SMOC1: variants seen among roughly 807,000 people sequenced by gnomAD.
SMOC1 encodes SPARC-related modular calcium-binding protein 1.
In SMOC1, 22 loss-of-function variants were observed where a neutral mutation model predicts 56.3. The ratio of observed to expected loss-of-function variants is 0.39; its 90% confidence interval spans 0.28 to 0.56. The LOEUF (loss-of-function observed/expected upper bound fraction) is 0.56, where lower values mean the gene tolerates loss of function less well. Ranked by LOEUF, SMOC1 falls within the 20% of genes least tolerant of loss-of-function variation. The pLI, the probability that SMOC1 is intolerant of heterozygous loss-of-function variation, is 0.61. For missense variants in SMOC1, 509 were observed against 565.4 expected, an observed-to-expected ratio of 0.90 and a Z score of 1.01; for synonymous variants, 193 against 215.0, an observed-to-expected ratio of 0.90 and a Z score of 0.89.
At chr14:69,966,241 G>T (rs774618207) in intron 3 of SMOC1, among the ~76,000 whole-genome samples, 24 of 152,084 alleles carry the variant, frequency 1.6e-4, no homozygotes, top group Non-Finnish European at 3.2e-4. Flanking sequence ...TATCATATTT[G>T]CTGTTTACAA....
chr14:69,989,432 T>G (rs558916070), intron 5 of SMOC1, among the ~76,000 whole-genome samples: 12 of 152,354 alleles, frequency 7.9e-5, no homozygotes, highest in Admixed American at 7.8e-4. Context: ...TTAAAAACTT[T>G]GATAGGATTT....
chr14:69,909,803 C>T (rs1884508252), intron 1 of SMOC1, among the ~76,000 whole-genome samples: 1 of 152,142 alleles, frequency 6.6e-6, no homozygotes, highest in Non-Finnish European at 1.5e-5. Flanking sequence ...ATTTGTTTAT[C>T]ATTGATTCTT....
chr14:69,909,317 T>A (rs1884494982), intron 1 of SMOC1, among the ~76,000 whole-genome samples: 1 of 152,240 alleles, frequency 6.6e-6, no homozygotes, highest in Non-Finnish European at 1.5e-5. Context: ...AAATATCGCC[T>A]TATGATCTGA....
At chr14:69,981,877 A>G (rs1421831433) in intron 5 of SMOC1, among the ~76,000 whole-genome samples, 1 of 152,146 alleles carries the variant, frequency 6.6e-6, no homozygotes, top group Non-Finnish European at 1.5e-5. Context: ...TTCCAGGATA[A>G]CTGAACACAG....
intron 1 of SMOC1, among the ~76,000 whole-genome samples, chr14:69,939,529 A>G (rs1882470495): frequency 1.3e-5 from 2 of 152,172 alleles, no homozygotes; most frequent in Admixed American, 6.5e-5. Flanking sequence ...TTCCAGTGTC[A>G]TCTTTATGGA....
At chr14:69,971,229 G>C (rs1405178821) in intron 3 of SMOC1, among the ~76,000 whole-genome samples, 1 of 152,128 alleles carries the variant, frequency 6.6e-6, no homozygotes, top group African/African-American at 2.4e-5. Context: ...TGTTGGCCAG[G>C]CTGGTCTCGA....
chr14:70,026,129 G>A (rs1005543), intron 11 of SMOC1, among the ~76,000 whole-genome samples: 56,479 of 152,094 alleles, frequency 0.37, 11,006 homozygotes, highest in Admixed American at 0.43. Flanking sequence ...TGAATGGATG[G>A]GGGGGTTGCC....
chr14:69,895,576 G>T (rs781138157), intron 1 of SMOC1, among the ~76,000 whole-genome samples: 9 of 152,168 alleles, frequency 5.9e-5, no homozygotes, highest in Non-Finnish European at 1.0e-4. Flanking sequence ...GTCTGAAAGT[G>T]ACCAGGGTCC....
At chr14:69,924,316 T>G (rs1027502190) in intron 1 of SMOC1, among the ~76,000 whole-genome samples, 3 of 152,216 alleles carry the variant, frequency 2.0e-5, no homozygotes, top group African/African-American at 7.2e-5. Context: ...TCCAGAAAGC[T>G]AATTAACATA....
intron 3 of SMOC1, among the ~76,000 whole-genome samples, chr14:69,965,404 T>TAAA (rs1555361827): frequency 6.7e-6 from 1 of 149,400 alleles, no homozygotes; most frequent in Non-Finnish European, 1.5e-5. Context: ...ATAATAATAA[T>TAAA]AAAAAGATGA....
chr14:69,978,788 T>C (rs1884069375), intron 5 of SMOC1, among the ~76,000 whole-genome samples: 1 of 152,186 alleles, frequency 6.6e-6, no homozygotes, highest in Non-Finnish European at 1.5e-5. Context: ...CCTGCATTTT[T>C]ACTTTACACT....
At chr14:69,911,804 G>T (rs1415508322) in intron 1 of SMOC1, among the ~76,000 whole-genome samples, 1 of 152,226 alleles carries the variant, frequency 6.6e-6, no homozygotes, top group Non-Finnish European at 1.5e-5. Context: ...GAATAAAGCT[G>T]TTAGAAACAT....
intron 1 of SMOC1, among the ~76,000 whole-genome samples, chr14:69,920,148 C>A (rs1250512441): frequency 6.6e-6 from 1 of 152,166 alleles, no homozygotes; most frequent in Non-Finnish European, 1.5e-5. Context: ...ACAGCATGTG[C>A]CCCTGCACTC....
chr14:70,019,496 CTT>C (rs961091628), intron 10 of SMOC1, among the ~76,000 whole-genome samples: 53 of 152,344 alleles, frequency 3.5e-4, no homozygotes, highest in African/African-American at 1.3e-3. Flanking sequence ...CTCCCTCTAA[CTT>C]AGGTCCCCAG....
intron 7 of SMOC1, among the ~76,000 whole-genome samples, chr14:70,001,047 G>A (rs1884949547): frequency 6.6e-6 from 1 of 152,164 alleles, no homozygotes; most frequent in Non-Finnish European, 1.5e-5. Flanking sequence ...GAGAACCTGA[G>A]AGCACCGAGC....
At chr14:69,903,209 G>A (rs1884301095) in intron 1 of SMOC1, among the ~76,000 whole-genome samples, 1 of 151,538 alleles carries the variant, frequency 6.6e-6, no homozygotes, top group Non-Finnish European at 1.5e-5. Flanking sequence ...TCTGAGATGT[G>A]GGGAGCCCCT....
chr14:69,986,166 A>G (rs1056382185), intron 5 of SMOC1, among the ~76,000 whole-genome samples: 2 of 152,360 alleles, frequency 1.3e-5, no homozygotes, highest in African/African-American at 4.8e-5. Context: ...AAGGTTGTAT[A>G]TTGCATGATT....
chr14:69,926,114 C>T (rs545773623), intron 1 of SMOC1, among the ~76,000 whole-genome samples: 5 of 151,964 alleles, frequency 3.3e-5, no homozygotes, highest in South Asian at 4.2e-4. Flanking sequence ...ACAAAGTCTG[C>T]GAGTTGCATG....
chr14:69,884,534 C>T (rs575116766), intron 1 of SMOC1, among the ~76,000 whole-genome samples: 1 of 152,102 alleles, frequency 6.6e-6, no homozygotes, highest in South Asian at 2.1e-4. Context: ...GAGCTTTCCC[C>T]CTATGTTTTC....
Sources: gnomAD v4.1 joint callset for allele counts (sites outside exome capture counted in the v4.1 genomes callset) on GRCh38, gnomAD v4.1.1 for gene constraint, MANE v1.5 for transcripts, NCBI Gene and HGNC (gene_info 2026-07-23, HGNC 2026-07-21) for gene names.